Variants in UGT2A3 observed in about 807,000 individuals in gnomAD.
UGT2A3 encodes the protein UDP-glucuronosyltransferase 2A3.
In UGT2A3, 55 loss-of-function variants were observed where a neutral mutation model predicts 44.1. The observed-to-expected ratio is 1.25, with a 90% confidence interval of 1.00 to 1.56. The LOEUF is 1.56. UGT2A3 is among the 40% of genes most tolerant of loss of function. The pLI is 0.00. For synonymous variants in UGT2A3, 243 were observed against 215.1 expected (o/e 1.13, Z -1.13); for missense variants, 733 against 621.6 (o/e 1.18, Z -1.91).
At chr4:68,931,875 A>G (rs1717749417) in intron 3 of UGT2A3, among the ~76,000 whole-genome samples, 1 of 152,044 alleles carries the variant, frequency 6.6e-6, no homozygotes, top group Admixed American at 6.6e-5. Flanking sequence ...ATTTGAAAAC[A>G]AAGAACGGCA....
intron 1 of UGT2A3, among the ~76,000 whole-genome samples, chr4:68,948,439 C>CTTTTTTTTTTTTTTTTTTTT (rs60082800): frequency 1.8e-5 from 2 of 110,152 alleles, no homozygotes; most frequent in South Asian, 2.8e-4. Flanking sequence ...TCTTTTTTTT[C>CTTTTTTTTTTTTTTTTTTTT]TTTTTTTTTT....
intron 1 of UGT2A3, among the ~76,000 whole-genome samples, chr4:68,950,745 C>G (rs1718553072): frequency 6.6e-6 from 1 of 151,720 alleles, no homozygotes; most frequent in Non-Finnish European, 1.5e-5. Context: ...AATAGAAATT[C>G]TATAAAATTC....
intron 1 of UGT2A3, among the ~76,000 whole-genome samples, chr4:68,949,166 T>C (rs1560463650): frequency 6.6e-6 from 1 of 151,792 alleles, no homozygotes; most frequent in Admixed American, 6.6e-5. Context: ...ACCTCCAATA[T>C]TGGTGATCAA....
chr4:68,949,801 A>G (rs1445275424), intron 1 of UGT2A3, among the ~76,000 whole-genome samples: 1 of 151,880 alleles, frequency 6.6e-6, no homozygotes, highest in Non-Finnish European at 1.5e-5. Flanking sequence ...GACTCACAAT[A>G]GATAATTCTA....
chr4:68,931,195 A>G lies in UGT2A3; in HGVS notation c.1044T>C (p.Asn348=), dbSNP rs748916389. The change falls in exon 4 of 6, where the codon AAT becomes AAC. Residue 348 remains asparagine (N), a synonymous_variant. Transcript: ENST00000251566. ...GGGGTATCCAATCATACAGCCGAGT[A>G]TTGGCTCCTAATGTGGATGGTTTTT... The part of the protein sequence containing the change: ...KGKKPSTLGA[N]TRLYDWIPQN... 2 of 1,613,108 alleles carry G rather than the reference A, an allele frequency of 1.2e-6. No homozygotes were observed. The highest frequency in any genetic ancestry group is 8.5e-7 in the Non-Finnish European group (1 of 1,179,400).
At chr4:68,937,301 C>A (rs1024279178) in intron 2 of UGT2A3, among the ~76,000 whole-genome samples, 4 of 152,022 alleles carry the variant, frequency 2.6e-5, no homozygotes, top group African/African-American at 9.7e-5. Context: ...CTAAAATTGA[C>A]CACATAATTG....
At position 68,928,982 on chromosome 4, in the gene UGT2A3, A is replaced by G. The variant is rs1341306793; in HGVS notation, c.*831T>C. The G allele has an allele frequency of 6.6e-6, 1 of 152,110 alleles. No individual in the cohort carries two copies. Among genetic ancestry groups the G allele is most frequent in the Non-Finnish European group, 1.5e-5 (1 of 67,988 alleles). The allele number at this position is 152,110 out of a possible 1,614,324, so 9.4% of individuals were successfully genotyped here. A position where few individuals can be genotyped will look rare whatever the true frequency, so the allele number is the denominator to read the frequency against. ...TTATGAGTATTCATCATTTTTAAAGAATAAACATATAAATCTTCTTTAAGT... is the reference window on the plus strand; with the variant it reads ...TTATGAGTATTCATCATTTTTAAAGGATAAACATATAAATCTTCTTTAAGT... On this transcript the variant is annotated 3_prime_UTR_variant, in exon 6 of 6. Coordinates refer to ENST00000251566, the MANE Select transcript of UGT2A3 (RefSeq NM_024743.4).
chr4:68,936,353 A>G (rs1045301856), intron 2 of UGT2A3, among the ~76,000 whole-genome samples: 1 of 152,158 alleles, frequency 6.6e-6, no homozygotes, highest in Non-Finnish European at 1.5e-5. Flanking sequence ...CATCAGACAA[A>G]CAGTGGATCT....
intron 1 of UGT2A3, among the ~76,000 whole-genome samples, chr4:68,949,948 C>T (rs2109798550): frequency 6.6e-6 from 1 of 151,940 alleles, no homozygotes; most frequent in African/African-American, 2.4e-5. Context: ...ATGGCCAGAA[C>T]CCACTTTTGT....
chr4:68,939,519 C>T (rs943389100), intron 2 of UGT2A3, among the ~76,000 whole-genome samples: 1 of 152,000 alleles, frequency 6.6e-6, no homozygotes, highest in Non-Finnish European at 1.5e-5. Flanking sequence ...AAACGGATCC[C>T]TTCTTACATC....
chr4:68,941,087 G>T (rs1281680880), intron 2 of UGT2A3, among the ~76,000 whole-genome samples: 1 of 151,604 alleles, frequency 6.6e-6, no homozygotes, highest in Non-Finnish European at 1.5e-5. Flanking sequence ...AGAGCTAGTT[G>T]TTTTACAAAA....
chr4:68,947,119 C>T (rs1446352492), intron 1 of UGT2A3, among the ~76,000 whole-genome samples: 3 of 151,704 alleles, frequency 2.0e-5, no homozygotes, highest in African/African-American at 7.2e-5. Context: ...AAAGATTTCT[C>T]TGTAGCATAT....
rs1429216856 is a variant in UGT2A3 at position 68,928,839 on chromosome 4, G to T, written c.*974C>A. On this transcript the variant is annotated 3_prime_UTR_variant, in exon 6 of 6. Transcript: ENST00000251566. ...ATTTTTACTATGTAAGCAATTATTTGATGAATTTACAATTCTCAAAGATTG... is the reference window on the plus strand; with the variant it reads ...ATTTTTACTATGTAAGCAATTATTTTATGAATTTACAATTCTCAAAGATTG... The T allele has an allele frequency of 6.6e-6, 1 of 151,860 alleles. No individual in the cohort carries two copies. The highest frequency in any genetic ancestry group is 1.9e-4 in the East Asian group (1 of 5,174). 9.4% of individuals were successfully genotyped at this position (151,860 alleles called of 1,614,324 possible). A position where few individuals can be genotyped will look rare whatever the true frequency, so the allele number is the denominator to read the frequency against.
At chr4:68,949,299 A>G (rs1411187034) in intron 1 of UGT2A3, among the ~76,000 whole-genome samples, 2 of 151,834 alleles carry the variant, frequency 1.3e-5, no homozygotes, top group Admixed American at 6.6e-5. Context: ...TCACTGGAAC[A>G]TTTAGAAGTC....
chr4:68,936,121 C>A lies in UGT2A3; in HGVS notation c.865-3362G>T, dbSNP rs575871231. Among the ~76,000 whole-genome samples, 661 of 152,138 alleles carry A rather than the reference C, an allele frequency of 4.3e-3. 2 individuals are homozygous for A. Among genetic ancestry groups the A allele is most frequent in the Non-Finnish European group, 7.6e-3 (516 of 67,972 alleles). On this transcript the variant is annotated intron_variant, in intron 2 of 5. Coordinates refer to ENST00000251566, the MANE Select transcript of UGT2A3 (RefSeq NM_024743.4). ...CTGAATGTGATGGAGAGAATGGAAC[C>A]AAGTTAGAAAACACTCTTCAGTATA...
In UGT2A3 at chr4:68,951,223, G is replaced by T. The variant is rs570452785; in HGVS notation, c.538C>A (p.Arg180=). The part of the protein sequence containing the change: ...LRISVGGNME[R]SCGKLPAPLS... ...GGAGCTGGAAGTTTCCCACAGCTTC[G>T]CTCCATATTGCCTCCTACAGAAATT... The change falls in exon 1 of 6, where the codon CGA becomes AGA. Residue 180 remains arginine, a synonymous_variant. Coordinates refer to ENST00000251566, the MANE Select transcript of UGT2A3 (RefSeq NM_024743.4). 4.3e-6 allele frequency: 7 copies of T among 1,611,578 alleles called. No homozygotes were observed. The highest frequency in any genetic ancestry group is 5.9e-6 in the Non-Finnish European group (7 of 1,178,916).
Position 68,950,988 on chromosome 4 carries a change from A to C in UGT2A3, c.715+58T>G, listed in dbSNP as rs898886335. ...ATATATGTCATAGACAATGTATGACAATTTTTAAAAATATTTCTTTTGATA... is the reference window on the plus strand; with the variant it reads ...ATATATGTCATAGACAATGTATGACCATTTTTAAAAATATTTCTTTTGATA... On this transcript the variant is annotated intron_variant, in intron 1 of 5. Transcript: ENST00000251566. 2.0e-5 allele frequency: 26 copies of C among 1,272,764 alleles called. No individual in the cohort carries two copies. In the East Asian group the frequency reaches 6.4e-4, roughly 32 times the overall value. 78.8% of individuals were successfully genotyped at this position (1,272,764 alleles called of 1,614,324 possible).
In UGT2A3 at chr4:68,945,357, G is replaced by A. The variant is rs372640109; in HGVS notation, c.813C>T (p.Asn271=). 333 of 1,611,354 alleles carry A rather than the reference G, an allele frequency of 2.1e-4. 1 individual carries two copies. Among genetic ancestry groups the A allele is most frequent in the Non-Finnish European group, 1.9e-5 (22 of 1,178,536 alleles). ...AGTGCAATCCTCCAACAAACTCAAA[G>A]TTAGGTTGGTATGGTTGAGGAAATT... ...DFEFPQPYQP[N]FEFVGGLHCK... is the part of the protein sequence containing the mutation. Residue 271 remains asparagine (N), a synonymous_variant, in exon 2 of 6, where the codon AAC becomes AAT. Transcript: ENST00000251566.
chr4:68,945,629 G>A (rs1718358663), intron 1 of UGT2A3, among the ~76,000 whole-genome samples, 175 bp from the exon 2 acceptor site: 1 of 146,548 alleles, frequency 6.8e-6, no homozygotes, highest in Non-Finnish European at 1.5e-5. Context: ...AAAAAAGAAA[G>A]AAAGGAAAAA....
Sources: gnomAD v4.1 joint callset for allele counts (sites outside exome capture counted in the v4.1 genomes callset) on GRCh38, gnomAD v4.1.1 for gene constraint, MANE v1.5 for transcripts, NCBI Gene and HGNC (gene_info 2026-07-23, HGNC 2026-07-21) for gene names.